The following GABRB1 variants were observed in gnomAD, a reference collection of about 807,000 sequenced individuals.
GABRB1 encodes gamma-aminobutyric acid receptor subunit beta-1.
Under a neutral mutation model 51.6 loss-of-function variants are expected in GABRB1, and 17 were observed. The ratio of observed to expected loss-of-function variants is 0.33; its 90% CI spans 0.23 to 0.49. GABRB1 has a LOEUF of 0.49. GABRB1 is among the 20% of genes least tolerant of loss of function. GABRB1 has a pLI of 0.99. For missense variants in GABRB1, 410 were observed against 600.6 expected (o/e 0.68, Z 3.32); for synonymous variants, 247 against 218.9 (o/e 1.13, Z -1.14).
At chr4:47,416,699 A>G (rs1728933294) in intron 8 of GABRB1, among the ~76,000 whole-genome samples, 1 of 152,006 alleles carries the variant, frequency 6.6e-6, no homozygotes, top group African/African-American at 2.4e-5. Context: ...TGATCAGGCC[A>G]CCTCAGCCTC....
Position 47,423,697 on chromosome 4 carries a change from A to G in GABRB1, c.1081-1977A>G, listed in dbSNP as rs1171286915. ...ACAGGTGGATTTGATTAACATACAA[A>G]GAGGAGAGAAAATAATATTTGAGAC... On this transcript the variant is annotated intron_variant, in intron 8 of 8. Transcript: ENST00000295454. Among the ~76,000 whole-genome samples, 4 of 152,232 alleles carry G rather than the reference A, an allele frequency of 2.6e-5. No homozygotes were observed. In the South Asian group the frequency reaches 8.3e-4, roughly 32 times the overall value.
chr4:47,249,529 G>A (rs1469646480), intron 4 of GABRB1, among the ~76,000 whole-genome samples: 1 of 151,854 alleles, frequency 6.6e-6, no homozygotes, highest in Non-Finnish European at 1.5e-5. Context: ...AATTACATTT[G>A]TTTAAATCAC....
chr4:47,244,239 G>C (rs1305522999), intron 4 of GABRB1, among the ~76,000 whole-genome samples: 1 of 152,212 alleles, frequency 6.6e-6, no homozygotes, highest in African/African-American at 2.4e-5. Context: ...AAGCCAACTT[G>C]ATCGTGGTGC....
chr4:47,147,438 T>G (rs1717220713), intron 3 of GABRB1, among the ~76,000 whole-genome samples: 2 of 152,126 alleles, frequency 1.3e-5, no homozygotes, highest in South Asian at 4.1e-4. Context: ...ATCCATTTAT[T>G]GACTTATTCA....
At chr4:47,204,336 A>C (rs1029654499) in intron 4 of GABRB1, among the ~76,000 whole-genome samples, 3 of 152,160 alleles carry the variant, frequency 2.0e-5, no homozygotes, top group African/African-American at 7.2e-5. Context: ...CTAATTGGAC[A>C]AATGTTTTAA....
chr4:47,187,244 G>A (rs933397435), intron 4 of GABRB1, among the ~76,000 whole-genome samples: 2 of 151,842 alleles, frequency 1.3e-5, no homozygotes, highest in African/African-American at 4.8e-5. Flanking sequence ...TGGGACATGA[G>A]TCCAACTTTT....
chr4:47,064,297 A>T (rs1726964130), intron 3 of GABRB1, among the ~76,000 whole-genome samples: 1 of 152,170 alleles, frequency 6.6e-6, no homozygotes, highest in African/African-American at 2.4e-5. Context: ...TAACTAAAGT[A>T]GGATACTTTG....
intron 3 of GABRB1, among the ~76,000 whole-genome samples, chr4:47,099,194 T>C (rs1011547521): frequency 1.3e-5 from 2 of 152,052 alleles, no homozygotes; most frequent in Admixed American, 6.6e-5. Context: ...GCAGTGCTTC[T>C]CAAATAACAA....
chr4:47,283,425 A>C (rs1723374055), intron 4 of GABRB1, among the ~76,000 whole-genome samples: 1 of 108,642 alleles, frequency 9.2e-6, no homozygotes, highest in Non-Finnish European at 1.7e-5. Flanking sequence ...TCAGTCTGTC[A>C]CCGAAGCTGG....
intron 3 of GABRB1, among the ~76,000 whole-genome samples, chr4:47,115,916 C>A (rs981159257): frequency 1.3e-5 from 2 of 151,930 alleles, no homozygotes; most frequent in Non-Finnish European, 2.9e-5. Flanking sequence ...TATAGCATTC[C>A]ATTTTTTAAA....
chr4:47,325,832 A>G (rs1028052274), intron 5 of GABRB1, among the ~76,000 whole-genome samples: 3 of 152,008 alleles, frequency 2.0e-5, no homozygotes, highest in African/African-American at 7.2e-5. Context: ...TTAGTTTCCC[A>G]TTGCTATTGT....
chr4:47,081,536 A>G (rs1727842921), intron 3 of GABRB1, among the ~76,000 whole-genome samples: 2 of 152,140 alleles, frequency 1.3e-5, no homozygotes, highest in African/African-American at 4.8e-5. Flanking sequence ...TATCTTTCAA[A>G]TATTCAGATA....
At chr4:47,232,066 A>T (rs1264205966) in intron 4 of GABRB1, among the ~76,000 whole-genome samples, 2 of 152,134 alleles carry the variant, frequency 1.3e-5, no homozygotes, top group Non-Finnish European at 2.9e-5. Flanking sequence ...CAAATTTGTG[A>T]TGTATCCAAT....
chr4:47,425,645 G>T (rs1290214166), intron 8 of GABRB1, 29 bp from the exon 9 acceptor site: 5 of 1,532,684 alleles, frequency 3.3e-6, no homozygotes, highest in Non-Finnish European at 3.5e-6. Flanking sequence ...CCTGCAACTT[G>T]TGTCCGAGCC....
intron 4 of GABRB1, among the ~76,000 whole-genome samples, chr4:47,229,243 C>G (rs533900933): frequency 1.3e-5 from 2 of 152,066 alleles, no homozygotes; most frequent in South Asian, 4.1e-4. Flanking sequence ...CTGAAAGAAA[C>G]TGAATGAATG....
chr4:47,195,394 T>TGATAGATA (rs201594236), intron 4 of GABRB1, among the ~76,000 whole-genome samples: 49 of 92,222 alleles, frequency 5.3e-4, no homozygotes, highest in Admixed American at 3.8e-4. Context: ...GATAGATAGA[T>TGATAGATA]GATAGATAGA....
At chr4:47,132,407 G>T (rs201405190) in intron 3 of GABRB1, among the ~76,000 whole-genome samples, 1 of 143,422 alleles carries the variant, frequency 7.0e-6, no homozygotes, top group East Asian at 2.2e-4. Flanking sequence ...GTTTGGTTTG[G>T]TTTGGTTTGG....
chr4:47,174,889 TTTCCTTCC>T (rs942476066), intron 4 of GABRB1, among the ~76,000 whole-genome samples: 4 of 133,578 alleles, frequency 3.0e-5, no homozygotes, highest in African/African-American at 5.5e-5. Flanking sequence ...CCCTTCCTTC[TTTCCTTCC>T]TTCCTTCCTT....
At chr4:47,276,427 A>G (rs1295106213) in intron 4 of GABRB1, among the ~76,000 whole-genome samples, 4 of 152,166 alleles carry the variant, frequency 2.6e-5, no homozygotes, top group Non-Finnish European at 5.9e-5. Context: ...AGAGTGGCTT[A>G]GATACCTGAA....
Sources: allele counts gnomAD v4.1 joint callset (sites outside exome capture counted in the v4.1 genomes callset), GRCh38; gene constraint gnomAD v4.1.1; transcripts MANE v1.5; gene names NCBI Gene and HGNC (gene_info 2026-07-23, HGNC 2026-07-21).